UPF2: variants seen among roughly 807,000 people sequenced by gnomAD.
UPF2 encodes the protein UPF2 regulator of nonsense mediated mRNA decay.
A neutral mutation model predicts 141.4 loss-of-function variants in UPF2; 17 were observed. That is an observed-to-expected ratio of 0.12 (90% CI 0.08 to 0.18). The LOEUF (loss-of-function observed/expected upper bound fraction) is 0.18. Among genes scored for constraint, UPF2 ranks in the 10% least tolerant of loss-of-function variants. The probability of loss-of-function intolerance (pLI) is 1.00; values close to 1 mark genes in which losing one functional copy is unlikely to be tolerated. For synonymous variants in UPF2, 540 were observed against 498.0 expected, an observed-to-expected ratio of 1.08 and a Z score of -1.12; for missense variants, 1,152 against 1,515.9, an observed-to-expected ratio of 0.76 and a Z score of 3.99.
intron 3 of UPF2, among the ~76,000 whole-genome samples, chr10:12,027,901 C>T (rs1834448786): frequency 6.6e-6 from 1 of 152,206 alleles, no homozygotes; most frequent in Admixed American, 6.5e-5. Context: ...AGATTCTCAA[C>T]CATGCAATAT....
chr10:12,010,804 G>C (rs973085495), intron 4 of UPF2, among the ~76,000 whole-genome samples: 2 of 151,820 alleles, frequency 1.3e-5, no homozygotes, highest in African/African-American at 4.8e-5. Flanking sequence ...CTTGAAATCA[G>C]CGATAATGAA....
chr10:12,040,780 A>G (rs1217103294), intron 1 of UPF2, among the ~76,000 whole-genome samples: 1 of 152,232 alleles, frequency 6.6e-6, no homozygotes, highest in Admixed American at 6.5e-5. Flanking sequence ...TAAGATGGAT[A>G]TACTGCTATC....
chr10:11,994,277 G>C (rs575035105), intron 8 of UPF2, among the ~76,000 whole-genome samples: 136 of 152,262 alleles, frequency 8.9e-4, no homozygotes, highest in African/African-American at 3.2e-3. Context: ...GTTAAATATA[G>C]TACATTCATC....
At chr10:11,961,272 C>T (rs1330472747) in intron 11 of UPF2, among the ~76,000 whole-genome samples, 5 of 151,852 alleles carry the variant, frequency 3.3e-5, no homozygotes, top group African/African-American at 1.2e-4. Flanking sequence ...ATAATAATTG[C>T]AACAGTAGCA....
In UPF2 at chr10:11,953,196, C is replaced by G. The variant is rs1464596364; in HGVS notation, c.2851-947G>C. Reference sequence around the variant, plus strand: ...TACTAGTATATGAACAGGTATTCCTCTGGGAGTTTTACTCTTCCTCTCCAG... The same window carrying G: ...TACTAGTATATGAACAGGTATTCCTGTGGGAGTTTTACTCTTCCTCTCCAG... On this transcript the variant is annotated intron_variant, in intron 14 of 21. Transcript: ENST00000357604. The surrounding 1 kb of genome is among the most constrained non-coding windows in gnomAD (Gnocchi z 5.0). Among the ~76,000 whole-genome samples the G allele has an allele frequency of 6.6e-6, 1 of 152,156 alleles. No homozygotes were observed. Among genetic ancestry groups the G allele is most frequent in the East Asian group, 1.9e-4 (1 of 5,192 alleles).
chr10:11,933,369 T>C (rs1832804514), intron 19 of UPF2, among the ~76,000 whole-genome samples: 1 of 152,210 alleles, frequency 6.6e-6, no homozygotes, highest in Admixed American at 6.6e-5. Flanking sequence ...AAACTGAATA[T>C]TTTCCAAAAT....
At chr10:11,928,986 T>C (rs1832749015) in intron 21 of UPF2, among the ~76,000 whole-genome samples, 1 of 151,902 alleles carries the variant, frequency 6.6e-6, no homozygotes, top group Non-Finnish European at 1.5e-5. Context: ...CTGTCTCTAC[T>C]AAAAATACAA....
chr10:11,995,334 G>T (rs1296726980), intron 8 of UPF2, among the ~76,000 whole-genome samples: 1 of 152,166 alleles, frequency 6.6e-6, no homozygotes, highest in Non-Finnish European at 1.5e-5. Context: ...GACTGAAGAA[G>T]TTGAAAACCA....
At chr10:12,034,992 G>GA (rs1448850294) in intron 2 of UPF2, 67 bp downstream of exon 2, 1 of 1,504,368 alleles carries the variant, frequency 6.6e-7, no homozygotes, top group Non-Finnish European at 8.8e-7. Flanking sequence ...TTCAAATAAT[G>GA]TTTTTTTCCC....
chr10:11,986,463 TG>T (rs900338206), intron 8 of UPF2, among the ~76,000 whole-genome samples: 65 of 152,282 alleles, frequency 4.3e-4, no homozygotes, highest in African/African-American at 1.4e-3. Flanking sequence ...GAAATTCTTA[TG>T]GGTTTTCATC....
chr10:11,991,374 T>C (rs957996643), intron 8 of UPF2, among the ~76,000 whole-genome samples: 42 of 152,114 alleles, frequency 2.8e-4, no homozygotes, highest in Non-Finnish European at 4.7e-4. Context: ...AGTCAACATA[T>C]GCATCATTGG....
At chr10:12,010,008 C>T (rs1834100921) in intron 4 of UPF2, among the ~76,000 whole-genome samples, 1 of 152,138 alleles carries the variant, frequency 6.6e-6, no homozygotes, top group Non-Finnish European at 1.5e-5. Flanking sequence ...ACAAGGCTGA[C>T]TGGAAGAATC....
At chr10:12,004,959 T>C (rs1218219105) in intron 4 of UPF2, among the ~76,000 whole-genome samples, 1 of 152,200 alleles carries the variant, frequency 6.6e-6, no homozygotes, top group African/African-American at 2.4e-5. Context: ...GATTTTTTTC[T>C]CTTACATTTG....
chr10:12,004,861 C>T lies in UPF2; in HGVS notation c.1307-134G>A. On this transcript the variant is annotated intron_variant, in intron 4 of 21. Coordinates refer to ENST00000357604, the MANE Select transcript of UPF2 (RefSeq NM_015542.4). ...AACTGACAGGAACTTCTTCAATTAA[C>T]AAGCACATGTGACCGTTTTCAACAC... The T allele has an allele frequency of 1.4e-5, 11 of 799,378 alleles. No homozygotes were observed. In the South Asian group the frequency reaches 2.2e-4, roughly 16 times the overall value. 49.5% of individuals were successfully genotyped at this position (799,378 alleles called of 1,614,324 possible).
intron 8 of UPF2, among the ~76,000 whole-genome samples, chr10:11,982,235 G>A (rs1203909725): frequency 2.0e-5 from 3 of 152,124 alleles, no homozygotes; most frequent in Admixed American, 6.5e-5. Flanking sequence ...CTATGCGGAG[G>A]TTCTTTTGCT....
At chr10:12,008,396 C>A (rs1298823115) in intron 4 of UPF2, among the ~76,000 whole-genome samples, 1 of 151,700 alleles carries the variant, frequency 6.6e-6, no homozygotes, top group Non-Finnish European at 1.5e-5. Flanking sequence ...CTGGGGAGGC[C>A]GAGGTGGGCA....
At chr10:12,041,746 C>T (rs1834737791) in intron 1 of UPF2, among the ~76,000 whole-genome samples, 1 of 152,124 alleles carries the variant, frequency 6.6e-6, no homozygotes, top group Non-Finnish European at 1.5e-5. Flanking sequence ...GTATAAAGGA[C>T]GTATTAAGAA....
chr10:11,959,403 T>G lies in UPF2; in HGVS notation c.2185-47A>C. 2 of 1,504,138 alleles carry G rather than the reference T, an allele frequency of 1.3e-6. No individual in the cohort carries two copies. The highest frequency in any genetic ancestry group is 8.9e-7 in the Non-Finnish European group (1 of 1,128,222). The allele number at this position is 1,504,138 out of a possible 1,614,324, so 93.2% of individuals were successfully genotyped here. On this transcript the variant is annotated intron_variant, in intron 11 of 21. Coordinates refer to ENST00000357604, the MANE Select transcript of UPF2 (RefSeq NM_015542.4). This position sits in a 1 kb window ranked among gnomAD's most constrained non-coding sequence, Gnocchi z 5.9. ...AATCAAAACACGTTCCTTCTAAGAT[T>G]CCTTTACTCCTAACTAAACTTCTAT...
chr10:12,035,474 T>C (rs769500962), intron 1 of UPF2, 33 bp from the exon 2 acceptor site: 16 of 1,470,058 alleles, frequency 1.1e-5, no homozygotes, highest in Non-Finnish European at 1.3e-5. Context: ...GTACCATAGA[T>C]GCAGTGACTT....
Sources: gnomAD v4.1 joint callset for allele counts (sites outside exome capture counted in the v4.1 genomes callset) on GRCh38, gnomAD v4.1.1 for gene constraint, Gnocchi (gnomAD v3.1) non-coding constraint, MANE v1.5 for transcripts, NCBI Gene and HGNC (gene_info 2026-07-23, HGNC 2026-07-21) for gene names.